The following SYNE2 variants were observed in gnomAD, a reference collection of about 807,000 sequenced individuals.
SYNE2 encodes the protein spectrin repeat containing nuclear envelope protein 2.
In SYNE2, 431 loss-of-function variants were observed where a neutral mutation model predicts 856.3. That is an observed-to-expected ratio of 0.50 (90% CI 0.47 to 0.55). SYNE2 has a LOEUF of 0.55. SYNE2 is among the 20% of genes least tolerant of loss of function. The pLI, the probability that SYNE2 is intolerant of heterozygous loss-of-function variation, is 0.00. For missense variants in SYNE2, 8,129 were observed against 8,023.2 expected (o/e 1.01, Z -0.50); for synonymous variants, 2,923 against 2,872.3 (o/e 1.02, Z -0.56).
At chr14:63,900,415 A>G (rs2095321168) in intron 1 of SYNE2, among the ~76,000 whole-genome samples, 1 of 152,288 alleles carries the variant, frequency 6.6e-6, no homozygotes, top group South Asian at 2.1e-4. Context: ...CACGACTTAC[A>G]TGGATGGCAG....
Position 64,021,457 on chromosome 14 carries a change from A to T in SYNE2, c.5294A>T (p.Glu1765Val), listed in dbSNP as rs558820427. Residue 1765 changes from glutamate to valine, a missense_variant, in exon 36 of 116, where the codon GAA (glutamate) becomes GTA (valine). Glu to Val is a moderately radical substitution (Grantham distance 121). Transcript: ENST00000555002. ...GCCAAGACCCAGATCGGGATGACTGAATCCCTCTTAAAAGCCCTGTCTCCT... is the reference window on the plus strand; with the variant it reads ...GCCAAGACCCAGATCGGGATGACTGTATCCCTCTTAAAAGCCCTGTCTCCT... ...DQAKTQIGMTESLLKALSPSD... is the reference protein window; with the variant it reads ...DQAKTQIGMTVSLLKALSPSD... 7 of 1,614,136 alleles carry T rather than the reference A, an allele frequency of 4.3e-6. No homozygotes were observed. The African/African-American group carries it at 9.3e-5, about 22-fold the overall frequency.
At chr14:64,057,560 T>G (rs2097282648) in intron 49 of SYNE2, among the ~76,000 whole-genome samples, 2 of 152,342 alleles carry the variant, frequency 1.3e-5, no homozygotes, top group South Asian at 4.1e-4. Context: ...ATCTTGACTA[T>G]TGTGAATAAT....
Position 64,126,763 on chromosome 14 carries a change from A to G in SYNE2, c.13873A>G (p.Ser4625Gly). The stretch of plus-strand genomic sequence containing the variant: ...CACTCAGGCTGCAGCTGTCTGTAGA[A>G]GCAAGTCCCTGAAAGCTGGCCTCGA... ...EHTQAAAVCR[S>G]KSLKAGLDYN... Residue 4625 changes from serine to glycine, a missense_variant, in exon 73 of 116, where the codon AGC becomes GGC. Around this residue, in one of 3 missense-constraint regions of SYNE2, gnomAD observed 5,410 missense variants for 5,284.8 expected, o/e 1.02. Transcript: ENST00000555002. 1 of 1,614,026 alleles carries G rather than the reference A, an allele frequency of 6.2e-7. No individual in the cohort carries two copies. The highest frequency in any genetic ancestry group is 8.5e-7 in the Non-Finnish European group (1 of 1,180,044).
At chr14:64,019,078 C>A (rs2153530108) in intron 34 of SYNE2, among the ~76,000 whole-genome samples, 1 of 152,212 alleles carries the variant, frequency 6.6e-6, no homozygotes, top group Non-Finnish European at 1.5e-5. Context: ...TGAGACCAGC[C>A]TGGCCAACAT....
At chr14:64,034,198 T>C (rs908333902) in intron 45 of SYNE2, among the ~76,000 whole-genome samples, 1 of 152,198 alleles carries the variant, frequency 6.6e-6, no homozygotes, top group African/African-American at 2.4e-5. Context: ...AGGCACAGTT[T>C]ACTGAATTAT....
chr14:63,986,663 T>C, intron 19 of SYNE2, 46 bp downstream of exon 19: 1 of 1,597,058 alleles, frequency 6.3e-7, no homozygotes, highest in Non-Finnish European at 8.6e-7. Flanking sequence ...GGTTGTGCAT[T>C]TATGTTTTAA....
chr14:64,080,425 A>G (rs376239516), intron 55 of SYNE2, 31 bp from the exon 56 acceptor site: 43 of 1,612,282 alleles, frequency 2.7e-5, no homozygotes, highest in Non-Finnish European at 3.6e-5. Flanking sequence ...TGACCTCTTC[A>G]TTCAAGTTGA....
At chr14:64,024,022 C>A (rs2153536661) in intron 38 of SYNE2, 2 of 468,126 alleles carry the variant, frequency 4.3e-6, no homozygotes, top group Admixed American at 6.5e-5. Flanking sequence ...TGGTCTTGCT[C>A]CTGCTGATCT....
At chr14:64,181,673 T>G (rs1417901719) in intron 96 of SYNE2, among the ~76,000 whole-genome samples, 1 of 152,202 alleles carries the variant, frequency 6.6e-6, no homozygotes, top group Non-Finnish European at 1.5e-5. Context: ...GCTAGCCACT[T>G]GACCAATTTG....
At chr14:63,862,750 T>TG (rs1894078827) in intron 1 of SYNE2, among the ~76,000 whole-genome samples, 1 of 152,010 alleles carries the variant, frequency 6.6e-6, no homozygotes, top group Admixed American at 6.6e-5. Flanking sequence ...TATTAGGTTT[T>TG]GGGGCAGTTT....
chr14:64,021,984 C>G lies in SYNE2; in HGVS notation c.5480C>G (p.Thr1827Ser), dbSNP rs1292798971. 2 of 1,613,458 alleles carry G rather than the reference C, an allele frequency of 1.2e-6. No individual in the cohort carries two copies. Among genetic ancestry groups the G allele is most frequent in the African/African-American group, 1.3e-5 (1 of 74,844 alleles). Reference protein sequence around the residue: ...QYESVSDLFNTKKSVLQDHFS... With the variant: ...QYESVSDLFNSKKSVLQDHFS... The stretch of plus-strand genomic sequence containing the variant: ...GAAAGTGTCAGTGATTTATTTAATA[C>G]CAAAAAAAGTGTTTTGCAAGATCAC... Residue 1827 changes from threonine to serine, a missense_variant, in exon 37 of 116, where the codon ACC (threonine) becomes AGC (serine). By Grantham distance (58) the Thr-to-Ser change is moderately conservative. Around this residue, in one of 3 missense-constraint regions of SYNE2, gnomAD observed 2,422 missense variants for 2,357.4 expected, o/e 1.03. Transcript: ENST00000555002.
At chr14:64,090,686 T>C (rs576851406) in intron 59 of SYNE2, among the ~76,000 whole-genome samples, 180 bp from the exon 60 acceptor site, 1 of 152,218 alleles carries the variant, frequency 6.6e-6, no homozygotes, top group East Asian at 1.9e-4. Flanking sequence ...AGTTATTCTT[T>C]CCTGAGACTT....
At chr14:63,907,962 TC>T (rs1566771042) in intron 1 of SYNE2, among the ~76,000 whole-genome samples, 2 of 152,122 alleles carry the variant, frequency 1.3e-5, no homozygotes, top group Admixed American at 6.6e-5. Flanking sequence ...ACAACAGTGA[TC>T]CATGCAAGAG....
chr14:64,188,005 A>G (rs991748073), intron 97 of SYNE2, among the ~76,000 whole-genome samples: 1 of 152,226 alleles, frequency 6.6e-6, no homozygotes, highest in African/African-American at 2.4e-5. Flanking sequence ...AATCCAGTGC[A>G]TAACGGGCAA....
upstream of SYNE2, among the ~76,000 whole-genome samples, chr14:63,849,265 C>CTT (rs35001530): frequency 3.7e-3 from 474 of 127,100 alleles, 7 homozygotes; most frequent in East Asian, 0.039. Context: ...AGTTAATCTC[C>CTT]TTTTTTTTTT....
chr14:63,798,005 A>G (rs201943850), intron 1 of SYNE2, among the ~76,000 whole-genome samples: 1 of 152,212 alleles, frequency 6.6e-6, no homozygotes, highest in East Asian at 1.9e-4. Context: ...AGATATATTC[A>G]ATATATTTGT....
chr14:64,199,592 C>T (rs2098552919), intron 99 of SYNE2, among the ~76,000 whole-genome samples: 1 of 151,814 alleles, frequency 6.6e-6, no homozygotes, highest in Admixed American at 6.6e-5. Context: ...GTGGCAGGTG[C>T]CTGTAATCCC....
intron 95 of SYNE2, 51 bp downstream of exon 95, chr14:64,175,189 G>C: frequency 3.1e-6 from 5 of 1,600,026 alleles, no homozygotes; most frequent in Non-Finnish European, 4.3e-6. Context: ...TCAGTACATA[G>C]ATTTTCATTT....
intron 1 of SYNE2, among the ~76,000 whole-genome samples, chr14:63,901,147 A>G (rs2095332156): frequency 6.6e-6 from 1 of 152,256 alleles, no homozygotes; most frequent in Non-Finnish European, 1.5e-5. Flanking sequence ...TTGTTAACAA[A>G]CTGTCTACTA....
Sources: allele counts gnomAD v4.1 joint callset (sites outside exome capture counted in the v4.1 genomes callset), GRCh38; gene constraint gnomAD v4.1.1; regional missense constraint gnomAD v4.1.1; transcripts MANE v1.5; gene names NCBI Gene and HGNC (gene_info 2026-07-23, HGNC 2026-07-21).